The following TRDN variants were observed in gnomAD, a reference collection of about 807,000 sequenced individuals.
TRDN encodes the protein triadin in skeletal muscle.
TRDN carries 161 observed loss-of-function variants against 149.7 expected under a neutral mutation model. The ratio of observed to expected loss-of-function variants is 1.08; its 90% CI spans 0.95 to 1.23. The LOEUF is 1.23. TRDN is among the 50% of genes most tolerant of loss of function. The pLI is 0.00. For synonymous variants in TRDN, 294 were observed against 250.5 expected (o/e 1.17, Z -1.64); for missense variants, 896 against 823.5 (o/e 1.09, Z -1.08).
Position 123,503,831 on chromosome 6 carries a change from C to T in TRDN, c.681G>A (p.Gln227=). 1 of 1,606,192 alleles carries T rather than the reference C, an allele frequency of 6.2e-7. No individual in the cohort carries two copies. Among genetic ancestry groups the T allele is most frequent in the Non-Finnish European group, 8.5e-7 (1 of 1,175,544 alleles). ...KTKKEVKGGK[Q]EKVKQTAAKV... is the part of the protein sequence containing the mutation. ...TTGCAGCTGTTTGCTTCACTTTCTCCTGTTTTCCACCTTTCACTTCCTTTT... is the reference window on the plus strand; with the variant it reads ...TTGCAGCTGTTTGCTTCACTTTCTCTTGTTTTCCACCTTTCACTTCCTTTT... Residue 227 remains glutamine, a synonymous_variant, in exon 8 of 41, where the codon CAG becomes CAA. Transcript: ENST00000334268.
chr6:123,250,190 C>A (rs4601149), intron 38 of TRDN, among the ~76,000 whole-genome samples: 131,787 of 152,102 alleles, frequency 0.87, 57,395 homozygotes, highest in East Asian at 0.95. Context: ...AAGAAATTGA[C>A]GAGAACACAA....
chr6:123,310,516 A>C (rs1778780774), intron 24 of TRDN, among the ~76,000 whole-genome samples: 1 of 152,070 alleles, frequency 6.6e-6, no homozygotes, highest in South Asian at 2.1e-4. Context: ...GGATTGCTAT[A>C]ACAAAGTTGT....
At chr6:123,550,522 T>G (rs1781329287) in intron 2 of TRDN, among the ~76,000 whole-genome samples, 1 of 151,716 alleles carries the variant, frequency 6.6e-6, no homozygotes, top group South Asian at 2.1e-4. Context: ...AATAGAAAAA[T>G]TTGGAGGCAG....
intron 9 of TRDN, among the ~76,000 whole-genome samples, chr6:123,479,623 C>T (rs1404750909): frequency 6.6e-6 from 1 of 152,098 alleles, no homozygotes. Context: ...ACAACTAGGA[C>T]CCAAGTATGC....
chr6:123,581,593 C>T (rs1783125416), intron 1 of TRDN, among the ~76,000 whole-genome samples: 1 of 152,144 alleles, frequency 6.6e-6, no homozygotes, highest in African/African-American at 2.4e-5. Context: ...GACCTCTAAT[C>T]CAAGAAATAA....
chr6:123,446,323 A>T (rs986458537), intron 10 of TRDN, among the ~76,000 whole-genome samples: 1 of 152,120 alleles, frequency 6.6e-6, no homozygotes, highest in East Asian at 1.9e-4. Context: ...CCAGCGTGGC[A>T]CATGTGTACA....
At chr6:123,417,460 T>A (rs1234202287) in intron 12 of TRDN, among the ~76,000 whole-genome samples, 3 of 152,166 alleles carry the variant, frequency 2.0e-5, no homozygotes, top group Non-Finnish European at 4.4e-5. Flanking sequence ...GCAATGTATA[T>A]AAATAACATT....
In TRDN at chr6:123,549,294, T is replaced by TA. The variant is rs200722781; in HGVS notation, c.233-683dup. Among the ~76,000 whole-genome samples the TA allele has an allele frequency of 3.9e-5, 6 of 152,088 alleles. No homozygotes were observed. The East Asian group carries it at 7.7e-4, about 20-fold the overall frequency. On this transcript the variant is annotated intron_variant, in intron 2 of 40. Transcript: ENST00000334268. The stretch of plus-strand genomic sequence containing the variant: ...GTTTGCTAAATGAAAGATTGAATCA[T>TA]AAAAAAATGCAAACAAATATATTAG...
chr6:123,282,928 G>GT (rs1230712676), intron 24 of TRDN, among the ~76,000 whole-genome samples: 2 of 151,820 alleles, frequency 1.3e-5, no homozygotes, highest in Non-Finnish European at 1.5e-5. Flanking sequence ...GACTCATTAA[G>GT]TAAGTCCATT....
At chr6:123,461,996 T>C (rs1025908743) in intron 10 of TRDN, among the ~76,000 whole-genome samples, 1 of 152,186 alleles carries the variant, frequency 6.6e-6, no homozygotes, top group African/African-American at 2.4e-5. Flanking sequence ...ATTAATATTA[T>C]ATTTACATTA....
At chr6:123,294,051 G>A (rs1778103896) in intron 24 of TRDN, among the ~76,000 whole-genome samples, 1 of 152,128 alleles carries the variant, frequency 6.6e-6, no homozygotes, top group Non-Finnish European at 1.5e-5. Context: ...AGGCATTAAA[G>A]GGAATTCAAG....
At chr6:123,437,408 T>TTTTTTTG (rs1774629421) in intron 12 of TRDN, 3 of 276,990 alleles carry the variant, frequency 1.1e-5, no homozygotes, top group African/African-American at 5.8e-5. Context: ...TTTTTTTTTT[T>TTTTTTTG]GTAGGGGGAT....
chr6:123,588,782 C>T (rs940417806), intron 1 of TRDN, among the ~76,000 whole-genome samples: 2 of 152,090 alleles, frequency 1.3e-5, no homozygotes, highest in Non-Finnish European at 2.9e-5. Flanking sequence ...TGAATGCAAA[C>T]CAGTCCATAG....
At chr6:123,528,229 G>A (rs1213080148) in intron 5 of TRDN, among the ~76,000 whole-genome samples, 2 of 150,350 alleles carry the variant, frequency 1.3e-5, no homozygotes, top group African/African-American at 4.9e-5. Context: ...ATATAGAATT[G>A]TTTTAGAAAT....
At chr6:123,379,243 C>T (rs1781623865) in intron 16 of TRDN, among the ~76,000 whole-genome samples, 1 of 152,080 alleles carries the variant, frequency 6.6e-6, no homozygotes, top group Non-Finnish European at 1.5e-5. Flanking sequence ...CCCAAGTATA[C>T]AATTTTGTTA....
rs558597215 is a variant in TRDN, at chr6:123,243,746, C to T, written c.1975+8666G>A. On this transcript the variant is annotated intron_variant, in intron 38 of 40. Coordinates refer to ENST00000334268, the MANE Select transcript of TRDN (RefSeq NM_006073.4). Reference sequence around the variant, plus strand: ...TGAAAACAGGTCTTTGGAAATAAACCGGTAAGTCACAAATAAAGAAAAATA... The same window carrying T: ...TGAAAACAGGTCTTTGGAAATAAACTGGTAAGTCACAAATAAAGAAAAATA... Among the ~76,000 whole-genome samples the T allele has an allele frequency of 1.2e-3, 185 of 151,846 alleles. 2 individuals are homozygous for T. Among genetic ancestry groups the T allele is most frequent in the Non-Finnish European group, 2.2e-3 (149 of 67,920 alleles).
intron 39 of TRDN, among the ~76,000 whole-genome samples, chr6:123,222,898 C>G (rs972016062): frequency 7.9e-5 from 12 of 151,720 alleles, no homozygotes; most frequent in African/African-American, 2.9e-4. Flanking sequence ...TGAAAAAAAG[C>G]TCAACATCAC....
intron 24 of TRDN, among the ~76,000 whole-genome samples, chr6:123,306,916 T>A (rs1778632238): frequency 6.6e-6 from 1 of 152,080 alleles, no homozygotes. Context: ...AAATTTAGTG[T>A]CCAACAATAT....
chr6:123,478,569 C>T (rs905371149), intron 9 of TRDN, among the ~76,000 whole-genome samples: 8 of 152,000 alleles, frequency 5.3e-5, no homozygotes, highest in East Asian at 1.9e-4. Context: ...TAGGTAAATA[C>T]GAATTGCGTT....
Sources: allele counts gnomAD v4.1 joint callset (sites outside exome capture counted in the v4.1 genomes callset), GRCh38; gene constraint gnomAD v4.1.1; transcripts MANE v1.5; gene names NCBI Gene and HGNC (gene_info 2026-07-23, HGNC 2026-07-21).